Variants in SPON1 observed in about 807,000 individuals in gnomAD.
SPON1 encodes spondin-1.
Under a neutral mutation model 111.7 loss-of-function variants are expected in SPON1, and 52 were observed. The observed-to-expected ratio is 0.47, with a 90% confidence interval of 0.37 to 0.59. The LOEUF is 0.59. Among genes scored for constraint, SPON1 ranks in the 20% least tolerant of loss-of-function variants. The probability of loss-of-function intolerance (pLI) is 0.00; values close to 1 mark genes in which losing one functional copy is unlikely to be tolerated. For synonymous variants in SPON1, 410 were observed against 395.8 expected, an observed-to-expected ratio of 1.04 and a Z score of -0.43; for missense variants, 957 against 1,068.5, an observed-to-expected ratio of 0.90 and a Z score of 1.46.
chr11:14,048,190 G>A (rs1848683428), intron 3 of SPON1, among the ~76,000 whole-genome samples: 1 of 152,182 alleles, frequency 6.6e-6, no homozygotes, highest in African/African-American at 2.4e-5. Context: ...ATTGAGCGGA[G>A]ATCATGCCAT....
At chr11:14,045,934 C>T (rs894773619) in intron 3 of SPON1, among the ~76,000 whole-genome samples, 1 of 151,952 alleles carries the variant, frequency 6.6e-6, no homozygotes, top group Non-Finnish European at 1.5e-5. Flanking sequence ...TTTTCCTATG[C>T]CTAAGGCTAT....
At chr11:14,202,300 T>C (rs1339120248) in intron 6 of SPON1, among the ~76,000 whole-genome samples, 1 of 152,198 alleles carries the variant, frequency 6.6e-6, no homozygotes, top group East Asian at 1.9e-4. Context: ...CGCAGGACGC[T>C]ATTTGCCTCA....
intron 6 of SPON1, among the ~76,000 whole-genome samples, chr11:14,185,803 A>T (rs1415882957): frequency 6.6e-6 from 1 of 152,254 alleles, no homozygotes; most frequent in Non-Finnish European, 1.5e-5. Flanking sequence ...GCCCCTTCTC[A>T]TCAGACTGGC....
intron 5 of SPON1, among the ~76,000 whole-genome samples, chr11:14,126,376 G>A (rs941255124): frequency 2.6e-5 from 4 of 152,194 alleles, no homozygotes; most frequent in Admixed American, 2.6e-4. Flanking sequence ...GCATCATTGT[G>A]AATGCTGGCA....
chr11:14,232,295 G>A (rs576691760), intron 6 of SPON1, among the ~76,000 whole-genome samples: 32 of 151,992 alleles, frequency 2.1e-4, no homozygotes, highest in African/African-American at 6.5e-4. Flanking sequence ...CTCCTCCTCC[G>A]GAATGTAAGC....
chr11:14,144,099 G>A (rs535932840), intron 6 of SPON1, among the ~76,000 whole-genome samples: 6 of 152,278 alleles, frequency 3.9e-5, no homozygotes, highest in Admixed American at 1.3e-4. Context: ...AATTACCTCT[G>A]TTGGTTATGA....
intron 6 of SPON1, among the ~76,000 whole-genome samples, chr11:14,210,601 T>C (rs541308917): frequency 9.2e-5 from 14 of 152,218 alleles, no homozygotes; most frequent in African/African-American, 1.4e-4. Context: ...GGTTTCACTA[T>C]GTTGACCAAG....
intron 2 of SPON1, among the ~76,000 whole-genome samples, chr11:14,018,528 C>G (rs1332937081): frequency 6.6e-6 from 1 of 152,124 alleles, no homozygotes; most frequent in Non-Finnish European, 1.5e-5. Context: ...TATCCTTCTC[C>G]TGAGGAGGTT....
chr11:14,108,083 A>T (rs369641276), intron 5 of SPON1, among the ~76,000 whole-genome samples: 1 of 152,196 alleles, frequency 6.6e-6, no homozygotes, highest in Non-Finnish European at 1.5e-5. Flanking sequence ...ACCTTGCAGA[A>T]GACACTGACT....
At chr11:14,124,393 C>T (rs966611876) in intron 5 of SPON1, among the ~76,000 whole-genome samples, 17 of 152,352 alleles carry the variant, frequency 1.1e-4, no homozygotes, top group African/African-American at 3.6e-4. Context: ...TCCTCTGGAA[C>T]CATCTGGGTT....
At chr11:14,071,405 C>T (rs782296095) in intron 3 of SPON1, among the ~76,000 whole-genome samples, 4 of 152,090 alleles carry the variant, frequency 2.6e-5, no homozygotes, top group Non-Finnish European at 5.9e-5. Flanking sequence ...ACATCAGCCA[C>T]TCCAAATCCT....
intron 2 of SPON1, among the ~76,000 whole-genome samples, chr11:14,011,758 A>G (rs1848406659): frequency 6.6e-6 from 1 of 152,166 alleles, no homozygotes. Flanking sequence ...AATAAAAGTT[A>G]GAGAGTGGAT....
At chr11:14,254,292 CAA>C (rs1404766662) in intron 7 of SPON1, among the ~76,000 whole-genome samples, 1 of 152,134 alleles carries the variant, frequency 6.6e-6, no homozygotes, top group Non-Finnish European at 1.5e-5. Context: ...GAAAGAAAAA[CAA>C]AAAGAGAAAC....
chr11:14,243,475 A>C, intron 7 of SPON1, 79 bp downstream of exon 7: 1 of 1,177,226 alleles, frequency 8.5e-7, no homozygotes. Flanking sequence ...GCCACCACAT[A>C]CCAGTTATGC....
chr11:14,178,382 A>C (rs1303859051), intron 6 of SPON1, among the ~76,000 whole-genome samples: 1 of 149,980 alleles, frequency 6.7e-6, no homozygotes, highest in African/African-American at 2.5e-5. Context: ...AGATTGCACC[A>C]CTGCACTCCA....
intron 6 of SPON1, among the ~76,000 whole-genome samples, chr11:14,159,567 A>C (rs1847886845): frequency 6.6e-6 from 1 of 152,178 alleles, no homozygotes; most frequent in Non-Finnish European, 1.5e-5. Flanking sequence ...CAGTATATCA[A>C]AGAGATATCT....
rs565924117 is a variant in SPON1, at chr11:14,241,203, A to C, written c.826-2129A>C. Among the ~76,000 whole-genome samples, 314 of 152,318 alleles carry C rather than the reference A, an allele frequency of 2.1e-3. 1 individual carries two copies. Among genetic ancestry groups the C allele is most frequent in the Non-Finnish European group, 3.1e-3 (212 of 68,018 alleles). ...TTGCTGTTGAAGTAGACTGTGTTCA[A>C]CATTTACATTGTGAGTTTCTGTGAT... On this transcript the variant is annotated intron_variant, in intron 6 of 15. Transcript: ENST00000576479.
intron 2 of SPON1, among the ~76,000 whole-genome samples, chr11:13,984,299 C>T (rs1330992095): frequency 1.3e-5 from 2 of 152,138 alleles, no homozygotes; most frequent in East Asian, 3.8e-4. Context: ...CTTGCCTAAG[C>T]TTGCTTATTG....
At chr11:14,242,602 C>T (rs782631234) in intron 6 of SPON1, among the ~76,000 whole-genome samples, 31 of 152,218 alleles carry the variant, frequency 2.0e-4, no homozygotes, top group Non-Finnish European at 4.0e-4. Flanking sequence ...AAAACCCAAC[C>T]AAACCTCAAA....
Sources: gnomAD v4.1 joint callset for allele counts (sites outside exome capture counted in the v4.1 genomes callset) on GRCh38, gnomAD v4.1.1 for gene constraint, MANE v1.5 for transcripts, NCBI Gene and HGNC (gene_info 2026-07-23, HGNC 2026-07-21) for gene names.